Variants in SSH1 observed in about 807,000 individuals in gnomAD.
SSH1 encodes protein phosphatase Slingshot homolog 1.
A neutral mutation model predicts 79.7 loss-of-function variants in SSH1; 43 were observed. The observed-to-expected ratio is 0.54, with a 90% CI of 0.42 to 0.70. The LOEUF (loss-of-function observed/expected upper bound fraction) is 0.70. Ranked by LOEUF, SSH1 falls within the 30% of genes least tolerant of loss-of-function variation. The probability of loss-of-function intolerance (pLI) is 0.00; values close to 1 mark genes in which losing one functional copy is unlikely to be tolerated. For missense variants in SSH1, 1,206 were observed against 1,358.8 expected, an observed-to-expected ratio of 0.89 and a Z score of 1.77; for synonymous variants, 599 against 538.3, an observed-to-expected ratio of 1.11 and a Z score of -1.56.
At chr12:108,810,096 C>T (rs1237783147) in intron 6 of SSH1, among the ~76,000 whole-genome samples, 2 of 152,086 alleles carry the variant, frequency 1.3e-5, no homozygotes, top group Admixed American at 6.5e-5. Context: ...GTCCCACAGG[C>T]CCGGCCGTTC....
intron 2 of SSH1, among the ~76,000 whole-genome samples, chr12:108,852,288 T>C (rs1278378682): frequency 6.6e-6 from 1 of 150,382 alleles, no homozygotes; most frequent in Admixed American, 6.7e-5. Flanking sequence ...CAGGCTGGAG[T>C]GCAGTGGCGC....
Position 108,840,459 on chromosome 12 carries a change from G to A in SSH1, c.110+12179C>T, listed in dbSNP as rs1265442398. Reference sequence around the variant, plus strand: ...GAGGCAGGAGAATCACTTGAACCCAGGAGGCAGAGGTTGCAGTTAGCCGAG... The same window carrying A: ...GAGGCAGGAGAATCACTTGAACCCAAGAGGCAGAGGTTGCAGTTAGCCGAG... On this transcript the variant is annotated intron_variant, in intron 2 of 14. Transcript: ENST00000326495. Among the ~76,000 whole-genome samples, 3 of 152,010 alleles carry A rather than the reference G, an allele frequency of 2.0e-5. No homozygotes were observed. In the South Asian group the frequency reaches 6.2e-4, roughly 32 times the overall value.
intron 9 of SSH1, 63 bp downstream of exon 9, chr12:108,806,238 G>A (rs1027535851): frequency 4.4e-5 from 65 of 1,483,816 alleles, no homozygotes; most frequent in Middle Eastern, 1.7e-4. Context: ...CTGCACTTTC[G>A]GGAGCAGGAC....
At position 108,787,150 on chromosome 12, in the gene SSH1, A is replaced by G. The variant is rs2036300087; in HGVS notation, c.*838T>C. 1 of 152,230 alleles carries G rather than the reference A, an allele frequency of 6.6e-6. No homozygotes were observed. Among genetic ancestry groups the G allele is most frequent in the Non-Finnish European group, 1.5e-5 (1 of 68,062 alleles). The allele number at this position is 152,230 out of a possible 1,614,324, so 9.4% of individuals were successfully genotyped here. A position where few individuals can be genotyped will look rare whatever the true frequency, so the allele number is the denominator to read the frequency against. ...CAGACACTTGAGCAATTTCAAACCT[A>G]AACACAATCATGTGTTTCAGCAGCA... On this transcript the variant is annotated 3_prime_UTR_variant, in exon 15 of 15. Transcript: ENST00000326495.
intron 14 of SSH1, among the ~76,000 whole-genome samples, chr12:108,791,522 C>T (rs559280290): frequency 3.3e-5 from 5 of 152,196 alleles, no homozygotes; most frequent in African/African-American, 1.2e-4. Context: ...CCTGTAATTC[C>T]AGCACTTTGG....
At chr12:108,808,726 T>G (rs988941409) in intron 7 of SSH1, among the ~76,000 whole-genome samples, 2 of 152,024 alleles carry the variant, frequency 1.3e-5, no homozygotes, top group African/African-American at 4.8e-5. Context: ...TTCTAGAAAG[T>G]CATTTTAATA....
At chr12:108,822,048 A>C (rs1035661363) in intron 3 of SSH1, among the ~76,000 whole-genome samples, 2 of 152,170 alleles carry the variant, frequency 1.3e-5, no homozygotes, top group African/African-American at 4.8e-5. Context: ...ACATGCAAGC[A>C]CTTTTTCCTC....
intron 2 of SSH1, among the ~76,000 whole-genome samples, chr12:108,851,920 C>G (rs1308378541): frequency 6.6e-6 from 1 of 151,826 alleles, no homozygotes; most frequent in African/African-American, 2.4e-5. Flanking sequence ...TAAAAATGCT[C>G]AAGTTAGGCC....
At chr12:108,810,243 CA>C (rs2037510546) in intron 6 of SSH1, among the ~76,000 whole-genome samples, 1 of 151,308 alleles carries the variant, frequency 6.6e-6, no homozygotes, top group Admixed American at 6.6e-5. Flanking sequence ...TAATACAAGC[CA>C]GGGGTGGTGG....
chr12:108,797,648 C>T (rs1191542995), intron 13 of SSH1, among the ~76,000 whole-genome samples: 1 of 152,182 alleles, frequency 6.6e-6, no homozygotes, highest in African/African-American at 2.4e-5. Flanking sequence ...AGAGTGGCAG[C>T]TTGACTTTAG....
At chr12:108,837,864 C>T (rs2038678473) in intron 2 of SSH1, among the ~76,000 whole-genome samples, 1 of 151,962 alleles carries the variant, frequency 6.6e-6, no homozygotes, top group Non-Finnish European at 1.5e-5. Context: ...CGCAGCACAG[C>T]CTCCACCTCC....
rs145009639 is a variant in SSH1 at position 108,782,615 on chromosome 12, C to T, written c.*5373G>A. On this transcript the variant is annotated 3_prime_UTR_variant, in exon 15 of 15. Coordinates refer to ENST00000326495, the MANE Select transcript of SSH1 (RefSeq NM_018984.4). ...CAATAAAGACTGGCCATGTCAATGA[C>T]GATGATGATGACGATGTATCAGACT... 5.9e-5 allele frequency: 9 copies of T among 152,152 alleles called. No individual in the cohort carries two copies. Among genetic ancestry groups the T allele is most frequent in the African/African-American group, 2.2e-4 (9 of 41,510 alleles). 9.4% of individuals were successfully genotyped at this position (152,152 alleles called of 1,614,324 possible).
intron 3 of SSH1, among the ~76,000 whole-genome samples, chr12:108,819,701 C>G (rs1349078656): frequency 6.6e-6 from 1 of 152,142 alleles, no homozygotes; most frequent in African/African-American, 2.4e-5. Flanking sequence ...TTCTGGTTCA[C>G]ATCTGTAGTC....
chr12:108,802,333 C>A lies in SSH1; in HGVS notation c.990G>T (p.Leu330=), dbSNP rs141275637. The change falls in exon 11 of 15, where the codon CTG becomes CTT. Residue 330 remains leucine, a synonymous_variant. Coordinates refer to ENST00000326495, the MANE Select transcript of SSH1 (RefSeq NM_018984.4). ...GGGAGGAGACTCACCCTGAGCCCTG[C>A]AGTTCCTCCAGATTGGATGCATTCC... ...SEWNASNLEE[L]QGSGVDYILN... The A allele has an allele frequency of 4.3e-6, 7 of 1,613,888 alleles. No individual in the cohort carries two copies. The African/African-American group carries it at 6.7e-5, about 15-fold the overall frequency.
At chr12:108,808,184 C>T (rs2037384763) in intron 7 of SSH1, among the ~76,000 whole-genome samples, 2 of 152,240 alleles carry the variant, frequency 1.3e-5, no homozygotes, top group African/African-American at 2.4e-5. Context: ...GTGATCTGCC[C>T]GCCTCGGCCT....
At chr12:108,793,880 T>G (rs960971360) in intron 13 of SSH1, among the ~76,000 whole-genome samples, 3 of 152,160 alleles carry the variant, frequency 2.0e-5, no homozygotes, top group African/African-American at 7.2e-5. Context: ...GGTGTGCACA[T>G]CCCAGCCAGC....
At chr12:108,798,424 G>T (rs1456756822) in intron 13 of SSH1, among the ~76,000 whole-genome samples, 3 of 152,158 alleles carry the variant, frequency 2.0e-5, no homozygotes, top group African/African-American at 7.2e-5. Context: ...CTGCAGACTC[G>T]AACTCTTGGG....
At chr12:108,856,842 G>T (rs1221972895) in intron 1 of SSH1, among the ~76,000 whole-genome samples, 1 of 152,216 alleles carries the variant, frequency 6.6e-6, no homozygotes, top group Non-Finnish European at 1.5e-5. Flanking sequence ...GGCTCACGCA[G>T]TCACCCAATC....
chr12:108,855,517 C>G (rs149482116), intron 1 of SSH1, among the ~76,000 whole-genome samples: 1 of 152,228 alleles, frequency 6.6e-6, no homozygotes, highest in African/African-American at 2.4e-5. Flanking sequence ...AATAATAAGA[C>G]CTTAAAATGC....
Sources: gnomAD v4.1 joint callset for allele counts (sites outside exome capture counted in the v4.1 genomes callset) on GRCh38, gnomAD v4.1.1 for gene constraint, MANE v1.5 for transcripts, NCBI Gene and HGNC (gene_info 2026-07-23, HGNC 2026-07-21) for gene names.